MAML3: variants seen among roughly 807,000 people sequenced by gnomAD.
MAML3 encodes mastermind like transcriptional coactivator 3.
MAML3 carries 27 observed loss-of-function variants against 101.9 expected under a neutral mutation model. That is an observed-to-expected ratio of 0.27 (90% CI 0.20 to 0.37). The LOEUF (loss-of-function observed/expected upper bound fraction) is 0.37. Among genes scored for constraint, MAML3 ranks in the 10% least tolerant of loss-of-function variants. The pLI, the probability that MAML3 is intolerant of heterozygous loss-of-function variation, is 1.00. For missense variants in MAML3, 1,316 were observed against 1,444.9 expected (o/e 0.91, Z 1.45); for synonymous variants, 501 against 555.9 (o/e 0.90, Z 1.39).
intron 1 of MAML3, among the ~76,000 whole-genome samples, chr4:140,068,994 A>T (rs866372189): frequency 2.0e-5 from 3 of 152,330 alleles, no homozygotes; most frequent in Middle Eastern, 6.8e-3. Flanking sequence ...AAACTTTCTG[A>T]ACTTCTCATT....
chr4:139,913,024 C>T (rs1415249762), intron 1 of MAML3, among the ~76,000 whole-genome samples: 2 of 152,222 alleles, frequency 1.3e-5, no homozygotes, highest in Non-Finnish European at 2.9e-5. Context: ...AATTACTGTG[C>T]ATCCCACCTG....
At chr4:140,052,356 C>T (rs1727282215) in intron 1 of MAML3, among the ~76,000 whole-genome samples, 1 of 152,042 alleles carries the variant, frequency 6.6e-6, no homozygotes. Context: ...CATTTTCATT[C>T]TTTTCCATAG....
At chr4:139,864,988 T>G (rs1239628949) in intron 2 of MAML3, among the ~76,000 whole-genome samples, 1 of 140,272 alleles carries the variant, frequency 7.1e-6, no homozygotes, top group African/African-American at 2.6e-5. Context: ...TCTTCCCTCT[T>G]AAATCACTCA....
At chr4:139,979,047 T>C (rs2110806021) in intron 1 of MAML3, among the ~76,000 whole-genome samples, 2 of 152,296 alleles carry the variant, frequency 1.3e-5, no homozygotes, top group South Asian at 4.1e-4. Context: ...AATCATAATA[T>C]CAGCCACTAC....
At chr4:139,794,044 G>A (rs1730468163) in intron 2 of MAML3, 1 of 152,148 alleles carries the variant, frequency 6.6e-6, no homozygotes, top group African/African-American at 2.4e-5. Flanking sequence ...CATATTCATG[G>A]CTGTGATCCC....
At chr4:139,938,438 T>C (rs1185763561) in intron 1 of MAML3, among the ~76,000 whole-genome samples, 1 of 152,216 alleles carries the variant, frequency 6.6e-6, no homozygotes, top group Non-Finnish European at 1.5e-5. Context: ...TACTATCAGT[T>C]AGTAAGGCTT....
At chr4:139,946,144 C>A (rs142879010) in intron 1 of MAML3, among the ~76,000 whole-genome samples, 45 of 152,312 alleles carry the variant, frequency 3.0e-4, no homozygotes, top group African/African-American at 9.9e-4. Context: ...ACCTTGATTT[C>A]TTTTGCATTA....
intron 1 of MAML3, among the ~76,000 whole-genome samples, chr4:140,107,565 C>T (rs1260717905): frequency 2.0e-5 from 3 of 149,728 alleles, no homozygotes; most frequent in East Asian, 2.0e-4. Context: ...AATGCAGTGG[C>T]GCGATCTCGG....
At chr4:140,017,033 G>A (rs1032646988) in intron 1 of MAML3, among the ~76,000 whole-genome samples, 2 of 152,142 alleles carry the variant, frequency 1.3e-5, no homozygotes, top group Non-Finnish European at 2.9e-5. Context: ...CATGTTGGGA[G>A]AAAATATTTG....
Position 139,784,016 on chromosome 4 carries a change from G to C in MAML3, c.2080-53349C>G, listed in dbSNP as rs537053644. Among the ~76,000 whole-genome samples, 10 of 152,338 alleles carry C rather than the reference G, an allele frequency of 6.6e-5. No homozygotes were observed. In the South Asian group the frequency reaches 1.2e-3, roughly 19 times the overall value. ...GTGGAGGAAATAGCTCACTGACTGT[G>C]GGGGAGCCACAGATATTAAAATGCA... is the stretch of plus-strand genomic sequence containing the variant. On this transcript the variant is annotated intron_variant, in intron 2 of 4. Transcript: ENST00000509479.
intron 2 of MAML3, among the ~76,000 whole-genome samples, chr4:139,765,819 C>T (rs1404287077): frequency 6.6e-6 from 1 of 151,802 alleles, no homozygotes; most frequent in Non-Finnish European, 1.5e-5. Context: ...TTTGTCTGCA[C>T]TAAAAATAAA....
chr4:139,753,392 TGTTA>T (rs1729567893), intron 2 of MAML3, among the ~76,000 whole-genome samples: 3 of 140,168 alleles, frequency 2.1e-5, no homozygotes, highest in Non-Finnish European at 4.7e-5. Context: ...ATCTATTTTT[TGTTA>T]GGAGCATTTT....
chr4:140,044,124 AAAG>A (rs1484582461), intron 1 of MAML3, among the ~76,000 whole-genome samples: 1 of 104,800 alleles, frequency 9.5e-6, no homozygotes, highest in East Asian at 1.8e-3. Context: ...TATAAGAAAG[AAAG>A]AAAAAAAAAA....
intron 2 of MAML3, among the ~76,000 whole-genome samples, chr4:139,839,454 A>T (rs970608945): frequency 7.0e-6 from 1 of 142,048 alleles, no homozygotes; most frequent in Non-Finnish European, 1.5e-5. Context: ...ACAGCACCCC[A>T]TCCAAGTCCA....
chr4:140,066,224 T>G (rs76919736), intron 1 of MAML3, among the ~76,000 whole-genome samples: 1 of 152,232 alleles, frequency 6.6e-6, no homozygotes, highest in Non-Finnish European at 1.5e-5. Flanking sequence ...AATCACAACT[T>G]TGTTATCAAA....
At chr4:139,849,485 A>G (rs1731510761) in intron 2 of MAML3, among the ~76,000 whole-genome samples, 1 of 152,218 alleles carries the variant, frequency 6.6e-6, no homozygotes, top group African/African-American at 2.4e-5. Flanking sequence ...CAAAGCTGAT[A>G]AACAGGTTAA....
intron 1 of MAML3, among the ~76,000 whole-genome samples, chr4:140,151,702 G>GC (rs1401614855): frequency 1.3e-5 from 2 of 148,824 alleles, no homozygotes; most frequent in African/African-American, 2.5e-5. Context: ...GGGGGGGGGG[G>GC]CACACACCTT....
intron 1 of MAML3, among the ~76,000 whole-genome samples, chr4:140,103,708 T>C (rs1458676851): frequency 6.6e-6 from 1 of 152,206 alleles, no homozygotes; most frequent in Non-Finnish European, 1.5e-5. Context: ...ACAACAAATA[T>C]GAGACACAGC....
intron 2 of MAML3, among the ~76,000 whole-genome samples, chr4:139,823,254 G>A (rs1487614047): frequency 6.6e-6 from 1 of 152,198 alleles, no homozygotes; most frequent in Non-Finnish European, 1.5e-5. Flanking sequence ...ATGGACCACT[G>A]ACAAAGGCAG....
Sources: gnomAD v4.1 joint callset for allele counts (sites outside exome capture counted in the v4.1 genomes callset) on GRCh38, gnomAD v4.1.1 for gene constraint, MANE v1.5 for transcripts, NCBI Gene and HGNC (gene_info 2026-07-23, HGNC 2026-07-21) for gene names.